TNPO1: variants seen among roughly 807,000 people sequenced by gnomAD.
The protein encoded by TNPO1 is transportin-1.
TNPO1 carries 8 observed loss-of-function variants against 119.5 expected under a neutral mutation model. The observed-to-expected ratio is 0.07, with a 90% CI of 0.04 to 0.12. The LOEUF (loss-of-function observed/expected upper bound fraction) is 0.12. Ranked by LOEUF, TNPO1 falls within the 10% of genes least tolerant of loss-of-function variation. The pLI is 1.00. For missense variants in TNPO1, 576 were observed against 1,089.8 expected (o/e 0.53, Z 6.64); for synonymous variants, 362 against 363.0 (o/e 1.00, Z 0.03).
At chr5:72,831,045 G>A (rs1011324951) in intron 1 of TNPO1, among the ~76,000 whole-genome samples, 4 of 151,890 alleles carry the variant, frequency 2.6e-5, no homozygotes, top group East Asian at 1.9e-4. Flanking sequence ...AGTTTTCTTC[G>A]GCAGAAAAAT....
intron 1 of TNPO1, among the ~76,000 whole-genome samples, chr5:72,820,825 C>G (rs1743926495): frequency 6.6e-6 from 1 of 152,050 alleles, no homozygotes; most frequent in African/African-American, 2.4e-5. Flanking sequence ...CAAAGTTAAA[C>G]AAGACAGGGC....
intron 22 of TNPO1, among the ~76,000 whole-genome samples, chr5:72,902,187 C>G (rs1749848071): frequency 6.6e-6 from 1 of 152,096 alleles, no homozygotes; most frequent in East Asian, 1.9e-4. Context: ...ATAGCAATAA[C>G]TTTCTCACAT....
At chr5:72,825,187 C>G (rs1164687504) in intron 1 of TNPO1, among the ~76,000 whole-genome samples, 1 of 152,166 alleles carries the variant, frequency 6.6e-6, no homozygotes, top group Non-Finnish European at 1.5e-5. Flanking sequence ...CTGGTCTGCC[C>G]CTTCTGCCCT....
chr5:72,836,684 G>A (rs1472786997), intron 1 of TNPO1, among the ~76,000 whole-genome samples: 1 of 152,102 alleles, frequency 6.6e-6, no homozygotes, highest in Non-Finnish European at 1.5e-5. Flanking sequence ...TTTAAGTTCT[G>A]CCTTCCTTTT....
At chr5:72,826,056 C>G (rs1744193935) in intron 1 of TNPO1, among the ~76,000 whole-genome samples, 1 of 152,088 alleles carries the variant, frequency 6.6e-6, no homozygotes, top group African/African-American at 2.4e-5. Flanking sequence ...CCTGTTCCTA[C>G]TTTAGGACTC....
intron 4 of TNPO1, among the ~76,000 whole-genome samples, chr5:72,857,394 A>G (rs539480690): frequency 3.9e-5 from 6 of 152,188 alleles, no homozygotes; most frequent in Middle Eastern, 3.4e-3. Context: ...CATTGGCTCT[A>G]TGACCTCCCT....
At chr5:72,823,649 T>C (rs1178593932) in intron 1 of TNPO1, among the ~76,000 whole-genome samples, 4 of 152,226 alleles carry the variant, frequency 2.6e-5, no homozygotes, top group African/African-American at 9.6e-5. Context: ...TTTACTCATC[T>C]AAATTTCATG....
chr5:72,883,751 T>TTTG (rs1748421761), intron 11 of TNPO1, among the ~76,000 whole-genome samples: 1 of 152,086 alleles, frequency 6.6e-6, no homozygotes, highest in African/African-American at 2.4e-5. Context: ...TTGTTTGTTT[T>TTTG]TTTGTTTTGA....
chr5:72,898,649 C>T (rs746720362), intron 20 of TNPO1, among the ~76,000 whole-genome samples: 1 of 152,008 alleles, frequency 6.6e-6, no homozygotes, highest in Non-Finnish European at 1.5e-5. Flanking sequence ...CTTAGTCTGC[C>T]GTTAATTTGC....
intron 3 of TNPO1, among the ~76,000 whole-genome samples, chr5:72,852,607 T>G (rs148805653): frequency 4.9e-4 from 74 of 152,344 alleles, no homozygotes; most frequent in East Asian, 1.7e-3. Flanking sequence ...AATTGGGAAA[T>G]AACAAGGTTT....
intron 11 of TNPO1, among the ~76,000 whole-genome samples, chr5:72,884,828 G>T (rs1748507268): frequency 6.6e-6 from 1 of 152,086 alleles, no homozygotes; most frequent in South Asian, 2.1e-4. Flanking sequence ...CACGTTGTGG[G>T]ATGTTAAGCA....
At chr5:72,902,672 G>A (rs1749879612) in intron 22 of TNPO1, among the ~76,000 whole-genome samples, 2 of 152,038 alleles carry the variant, frequency 1.3e-5, no homozygotes, top group Non-Finnish European at 2.9e-5. Context: ...AGTAGCACAT[G>A]TATGATCATA....
rs765608553 is a variant in TNPO1 at position 72,877,276 on chromosome 5, G to T, written c.850G>T (p.Ala284Ser). 6.1e-5 allele frequency: 99 copies of T among 1,613,026 alleles called. No homozygotes were observed. The highest frequency in any genetic ancestry group is 8.3e-5 in the Admixed American group (5 of 59,976). Residue 284 changes from alanine to serine, a missense_variant, in exon 9 of 25, where the codon GCC (alanine) becomes TCC (serine). By Grantham distance (99) the Ala-to-Ser change is moderately conservative. Coordinates refer to ENST00000337273, the MANE Select transcript of TNPO1 (RefSeq NM_002270.4). The stretch of plus-strand genomic sequence containing the variant: ...TCAAGATGAAAATGTGGCTTTAGAA[G>T]CCTGTGAATTTTGGCTAACTTTAGC... ...QDQDENVALE[A>S]CEFWLTLAEQ...
At chr5:72,852,936 CTGTT>C (rs1470419493) in intron 3 of TNPO1, among the ~76,000 whole-genome samples, 2 of 152,066 alleles carry the variant, frequency 1.3e-5, no homozygotes, top group East Asian at 1.9e-4. Context: ...TGTGATCAAC[CTGTT>C]TGTTTCTTAT....
rs528731028 is a variant in TNPO1, at chr5:72,866,115, C to T, written c.596+386C>T. 6.6e-5 allele frequency among the ~76,000 whole-genome samples: 10 copies of T among 152,230 alleles called. No homozygotes were observed. The South Asian group carries it at 2.1e-3, about 32-fold the overall frequency. ...GCAGGTTTGTTACAAAGGCGTATTG[C>T]GTGGATGCTGGGGGTTTAGAGTACA... On this transcript the variant is annotated intron_variant, in intron 6 of 24. Transcript: ENST00000337273.
Position 72,872,729 on chromosome 5 carries a change from T to G in TNPO1, c.678+9T>G. 1.3e-6 allele frequency: 2 copies of G among 1,579,860 alleles called. No homozygotes were observed. Among genetic ancestry groups the G allele is most frequent in the Non-Finnish European group, 1.7e-6 (2 of 1,162,124 alleles). On this transcript the variant is annotated intron_variant, in intron 7 of 24. Transcript: ENST00000337273. The stretch of plus-strand genomic sequence containing the variant: ...TTGATTCTTTTATTGAGGTAAGACT[T>G]GTTCTTGTCTCCCTCCCAACCCCCC...
At chr5:72,848,046 G>A in intron 1 of TNPO1, 2 of 1,048,312 alleles carry the variant, frequency 1.9e-6, no homozygotes, top group Non-Finnish European at 2.3e-6. Context: ...GGGTTGGGTT[G>A]GAGAAAACTG....
chr5:72,875,526 G>A (rs1370663975), intron 7 of TNPO1, 89 bp from the exon 8 acceptor site: 6 of 1,442,878 alleles, frequency 4.2e-6, no homozygotes, highest in South Asian at 2.7e-5. Flanking sequence ...CCTTTGTAGG[G>A]TTTCTTTAAA....
Position 72,878,539 on chromosome 5 carries a change from T to A in TNPO1, c.920+1193T>A, listed in dbSNP as rs1046519195. The A allele has an allele frequency of 1.9e-5, 3 of 154,284 alleles. No homozygotes were observed. The Admixed American group carries it at 2.0e-4, about 10-fold the overall frequency. The allele number at this position is 154,284 out of a possible 1,614,324, so 9.6% of individuals were successfully genotyped here. On this transcript the variant is annotated intron_variant, in intron 9 of 24. Transcript: ENST00000337273. ...TTTATGGTACTTGAATGTTCCTATT[T>A]TCATATGGTCAACTGAGTTTTTTCT...
Sources: gnomAD v4.1 joint callset for allele counts (sites outside exome capture counted in the v4.1 genomes callset) on GRCh38, gnomAD v4.1.1 for gene constraint, MANE v1.5 for transcripts, NCBI Gene and HGNC (gene_info 2026-07-23, HGNC 2026-07-21) for gene names.